The following ERN1 variants were observed in gnomAD, a reference collection of about 807,000 sequenced individuals.
ERN1 encodes serine/threonine-protein kinase/endoribonuclease IRE1.
A neutral mutation model predicts 113.1 loss-of-function variants in ERN1; 39 were observed. The observed-to-expected ratio is 0.34, with a 90% CI of 0.27 to 0.45. ERN1 has a LOEUF of 0.45. ERN1 is among the 20% of genes least tolerant of loss of function. The probability of loss-of-function intolerance (pLI) is 1.00; values close to 1 mark genes in which losing one functional copy is unlikely to be tolerated. For synonymous variants in ERN1, 507 were observed against 515.9 expected (o/e 0.98, Z 0.23); for missense variants, 976 against 1,274.8 (o/e 0.77, Z 3.57).
intron 12 of ERN1, among the ~76,000 whole-genome samples, chr17:64,056,374 CTG>C (rs1912870274): frequency 6.6e-6 from 1 of 152,338 alleles, no homozygotes; most frequent in African/African-American, 2.4e-5. Context: ...CCCACCGTGT[CTG>C]TGTGTTGGCT....
At chr17:64,127,757 CAA>C (rs775462648) in intron 1 of ERN1, among the ~76,000 whole-genome samples, 32 of 87,926 alleles carry the variant, frequency 3.6e-4, no homozygotes, top group Admixed American at 6.4e-4. Flanking sequence ...AACTCCATAT[CAA>C]AAAAAAAAAA....
In ERN1 at chr17:64,055,963, C is replaced by T; in HGVS notation, c.1399-15G>A. 6.6e-7 allele frequency: 1 copy of T among 1,526,254 alleles called. No homozygotes were observed. Among genetic ancestry groups the T allele is most frequent in the East Asian group, 2.5e-5 (1 of 40,660 alleles). The allele number at this position is 1,526,254 out of a possible 1,614,324, so 94.5% of individuals were successfully genotyped here. On this transcript the variant is annotated splice_polypyrimidine_tract_variant and intron_variant, in intron 12 of 21. Transcript: ENST00000433197. ...TGATGCATGCTCTGGGAAGAGAAAC[C>T]CACATCCAGACAAGGGCAGCTGTTC...
chr17:64,113,933 C>A (rs796383071), intron 1 of ERN1, among the ~76,000 whole-genome samples: 1 of 152,140 alleles, frequency 6.6e-6, no homozygotes, highest in East Asian at 1.9e-4. Context: ...CCACCCACCT[C>A]GGCCTCCCAA....
intron 1 of ERN1, among the ~76,000 whole-genome samples, chr17:64,116,643 A>G: frequency 7.1e-6 from 1 of 140,762 alleles, no homozygotes; most frequent in Non-Finnish European, 1.5e-5. Context: ...TATTTAATGT[A>G]AAAAAAAAAT....
chr17:64,117,954 T>C (rs530239149), intron 1 of ERN1, among the ~76,000 whole-genome samples: 1 of 152,316 alleles, frequency 6.6e-6, no homozygotes, highest in Admixed American at 6.5e-5. Context: ...TCTCAAACAG[T>C]GCTTGGCATA....
Position 64,064,965 on chromosome 17 carries a change from G to GA in ERN1, c.921+243dup, listed in dbSNP as rs1179423862. On this transcript the variant is annotated intron_variant, in intron 9 of 21. Transcript: ENST00000433197. ...GCAGGGCCATGAACACCAGCCTGGGGAGTTTAGATTTGATCACAAAAGCAA... is the reference window on the plus strand; with the variant it reads ...GCAGGGCCATGAACACCAGCCTGGGGAAGTTTAGATTTGATCACAAAAGCAA... Among the ~76,000 whole-genome samples the GA allele has an allele frequency of 5.3e-5, 8 of 152,302 alleles. No homozygotes were observed. The South Asian group carries it at 1.5e-3, about 28-fold the overall frequency.
rs890455626 is a variant in ERN1 at position 64,041,347 on chromosome 17, T to C, written c.*2641A>G. The C allele has an allele frequency of 4.6e-5, 7 of 152,200 alleles. No individual in the cohort carries two copies. Among genetic ancestry groups the C allele is most frequent in the African/African-American group, 1.7e-4 (7 of 41,430 alleles). 9.4% of individuals were successfully genotyped at this position (152,200 alleles called of 1,614,324 possible). On this transcript the variant is annotated 3_prime_UTR_variant, in exon 22 of 22. Coordinates refer to ENST00000433197, the MANE Select transcript of ERN1 (RefSeq NM_001433.5). Reference sequence around the variant, plus strand: ...AGTACTTCTAAAAAGCTCAACAGCCTTCCAGGATTGGAGAAGTCCCATAAC... The same window carrying C: ...AGTACTTCTAAAAAGCTCAACAGCCCTCCAGGATTGGAGAAGTCCCATAAC...
rs1480391389 is a variant in ERN1, at chr17:64,054,592, A to C, written c.1763+146T>G. ...TGGCCCCGGAATCATCGCTTGTCTC[A>C]GTGTGCAAGCTCCCTGGAGGCCGGA... On this transcript the variant is annotated intron_variant, in intron 14 of 21. Coordinates refer to ENST00000433197, the MANE Select transcript of ERN1 (RefSeq NM_001433.5). This position sits in a 1 kb window ranked among gnomAD's most constrained non-coding sequence, Gnocchi z 4.9. 2.0e-6 allele frequency: 2 copies of C among 986,724 alleles called. No homozygotes were observed. Among genetic ancestry groups the C allele is most frequent in the African/African-American group, 3.3e-5 (2 of 61,222 alleles). 61.1% of individuals were successfully genotyped at this position (986,724 alleles called of 1,614,324 possible).
At chr17:64,081,738 C>T (rs908005743) in intron 2 of ERN1, among the ~76,000 whole-genome samples, 2 of 152,318 alleles carry the variant, frequency 1.3e-5, no homozygotes, top group South Asian at 4.1e-4. Flanking sequence ...ATTGAGAACA[C>T]GTTTTTTTCT....
At position 64,054,340 on chromosome 17, in the gene ERN1, C is replaced by T. The variant is rs1197914397; in HGVS notation, c.1863G>A (p.Glu621=). Residue 621 remains glutamate (E), a synonymous_variant, in exon 15 of 22, where the codon GAG becomes GAA. Transcript: ENST00000433197. The surrounding 1 kb of genome is among the most constrained non-coding windows in gnomAD (Gnocchi z 4.9). The stretch of plus-strand genomic sequence containing the variant: ...AGAAGTAGCGGATCACGTTCGGGTG[C>T]TCATCCGATTCTCGCAACAGCTGGA... ...REVQLLRESD[E]HPNVIRYFCT... is the part of the protein sequence containing the mutation. 2.5e-6 allele frequency: 4 copies of T among 1,612,932 alleles called. No homozygotes were observed. The highest frequency in any genetic ancestry group is 3.4e-6 in the Non-Finnish European group (4 of 1,179,494).
In ERN1 at chr17:64,047,894, G is replaced by A. The variant is rs61745997; in HGVS notation, c.2493C>T (p.Phe831=). The A allele has an allele frequency of 5.0e-6, 8 of 1,613,292 alleles. No individual in the cohort carries two copies. The African/African-American group carries it at 9.3e-5, about 19-fold the overall frequency. The change falls in exon 19 of 22, where the codon TTC becomes TTT. Residue 831 remains phenylalanine (F), a synonymous_variant. Coordinates refer to ENST00000433197, the MANE Select transcript of ERN1 (RefSeq NM_001433.5). The part of the protein sequence containing the change: ...PSAKHVLKHP[F]FWSLEKQLQF... The stretch of plus-strand genomic sequence containing the variant: ...GGAGCTGCTTCTCTAGGCTCCAGAA[G>A]AACGGGTGTTTGAGCACATGCTTCG...
chr17:64,059,998 A>G (rs1913001733), intron 11 of ERN1, among the ~76,000 whole-genome samples: 1 of 150,788 alleles, frequency 6.6e-6, no homozygotes, highest in African/African-American at 2.4e-5. Flanking sequence ...GCCTTCAACA[A>G]CTCTTAAACT....
At position 64,057,809 on chromosome 17, in the gene ERN1, T is replaced by C. The variant is rs184417681; in HGVS notation, c.1391A>G (p.Tyr464Cys). The change falls in exon 12 of 22, where the codon TAT (tyrosine) becomes TGT (cysteine). Residue 464 changes from tyrosine (Y) to cysteine (C), a missense_variant. This residue lies in a region of ERN1 where 16 missense variants were observed against 42.3 expected (regional missense o/e 0.38). Coordinates refer to ENST00000433197, the MANE Select transcript of ERN1 (RefSeq NM_001433.5). The part of the protein sequence containing the change: ...LIGWVAFIIT[Y>C]PLSMHQQQQL... The stretch of plus-strand genomic sequence containing the variant: ...GGAATTGTTGAGCTTTACCAGGGGA[T>C]AGGTGATGATGAAGGCCACCCAGCC... 5.6e-6 allele frequency: 9 copies of C among 1,613,476 alleles called. No individual in the cohort carries two copies. The African/African-American group carries it at 1.1e-4, about 19-fold the overall frequency.
intron 7 of ERN1, among the ~76,000 whole-genome samples, chr17:64,067,164 A>G (rs1913255758): frequency 6.6e-6 from 1 of 152,164 alleles, no homozygotes; most frequent in South Asian, 2.1e-4. Flanking sequence ...CACTCTCCCA[A>G]AGGCAATTTA....
chr17:64,098,064 T>C, intron 2 of ERN1, 57 bp downstream of exon 2: 1 of 1,599,000 alleles, frequency 6.3e-7, no homozygotes, highest in Non-Finnish European at 8.6e-7. Context: ...CAGAATATGT[T>C]TCTGTGGAAC....
intron 4 of ERN1, 100 bp from the exon 5 acceptor site, chr17:64,075,347 A>C (rs2143398006): frequency 9.6e-7 from 1 of 1,045,424 alleles, no homozygotes; most frequent in South Asian, 1.6e-5. Context: ...ATTCTGCTAA[A>C]AAGAGAGAAG....
intron 1 of ERN1, among the ~76,000 whole-genome samples, chr17:64,108,062 G>C (rs1011073926): frequency 4.6e-5 from 7 of 152,190 alleles, no homozygotes; most frequent in Non-Finnish European, 1.0e-4. Flanking sequence ...GAACAGCACT[G>C]TGTGGTTTCC....
chr17:64,053,374 G>A lies in ERN1; in HGVS notation c.1954-3C>T. 2 of 1,593,560 alleles carry A rather than the reference G, an allele frequency of 1.3e-6. No individual in the cohort carries two copies. The highest frequency in any genetic ancestry group is 1.7e-6 in the Non-Finnish European group (2 of 1,169,364). On this transcript the variant is annotated splice_polypyrimidine_tract_variant and splice_region_variant and intron_variant, in intron 15 of 21. Coordinates refer to ENST00000433197, the MANE Select transcript of ERN1 (RefSeq NM_001433.5). ...GCAAAGTCCTTCTGCTCCACATACT[G>A]CAAAAGACATGACAGCAAGGTCACG...
chr17:64,049,052 C>A lies in ERN1; in HGVS notation c.2401+3G>T. 1.3e-6 allele frequency: 2 copies of A among 1,582,356 alleles called. No individual in the cohort carries two copies. Among genetic ancestry groups the A allele is most frequent in the South Asian group, 1.1e-5 (1 of 89,128 alleles). On this transcript the variant is annotated splice_donor_region_variant and intron_variant, in intron 18 of 21. Coordinates refer to ENST00000433197, the MANE Select transcript of ERN1 (RefSeq NM_001433.5). This position sits in a 1 kb window ranked among gnomAD's most constrained non-coding sequence, Gnocchi z 4.7. ...TCCCAACCCCAACCCCTGGACCGCT[C>A]ACCGTGCTTCTCTGGGTGCAAGCAG...
Sources: allele counts gnomAD v4.1 joint callset (sites outside exome capture counted in the v4.1 genomes callset), GRCh38; gene constraint gnomAD v4.1.1; regional missense constraint gnomAD v4.1.1; non-coding constraint Gnocchi (gnomAD v3.1); transcripts MANE v1.5; gene names NCBI Gene and HGNC (gene_info 2026-07-23, HGNC 2026-07-21).